The following VAMP4 variants were observed in gnomAD, a reference collection of about 807,000 sequenced individuals.
VAMP4 encodes vesicle-associated membrane protein 4.
Under a neutral mutation model 23.5 loss-of-function variants are expected in VAMP4, and 19 were observed. The ratio of observed to expected loss-of-function variants is 0.81; its 90% CI spans 0.56 to 1.19. The LOEUF is 1.19. VAMP4 is among the 50% of genes most tolerant of loss of function. The probability of loss-of-function intolerance (pLI) is 0.00; values close to 1 mark genes in which losing one functional copy is unlikely to be tolerated. For synonymous variants in VAMP4, 31 were observed against 51.0 expected (o/e 0.61, Z 1.67); for missense variants, 145 against 168.6 (o/e 0.86, Z 0.78).
chr1:171,710,865 C>T (rs1292229206), intron 4 of VAMP4, 51 bp from the exon 5 acceptor site: 2 of 1,362,264 alleles, frequency 1.5e-6, no homozygotes, highest in African/African-American at 2.9e-5. Context: ...AGAATGCTTA[C>T]AATTTTTAAA....
intron 2 of VAMP4, among the ~76,000 whole-genome samples, chr1:171,731,425 T>TAAA (rs200377599): frequency 7.3e-5 from 11 of 151,354 alleles, no homozygotes; most frequent in African/African-American, 2.7e-4. Flanking sequence ...ATAATAATAA[T>TAAA]AAAAAAAACA....
intron 2 of VAMP4, among the ~76,000 whole-genome samples, chr1:171,736,775 G>A (rs1015166776): frequency 6.6e-6 from 1 of 152,166 alleles, no homozygotes; most frequent in Non-Finnish European, 1.5e-5. Flanking sequence ...TCAGGAATTT[G>A]AGACCAGCCT....
Position 171,704,319 on chromosome 1 carries a change from G to A in VAMP4, c.*187C>T. On this transcript the variant is annotated 3_prime_UTR_variant, in exon 8 of 8. Transcript: ENST00000236192. ...TTTGCCTTAAACATAATTATTAAAA[G>A]AACATTTTGTTAGAAAGGGAGAAGA... The A allele has an allele frequency of 2.5e-6, 1 of 396,708 alleles. No individual in the cohort carries two copies. Among genetic ancestry groups the A allele is most frequent in the East Asian group, 3.9e-5 (1 of 25,512 alleles). The allele number at this position is 396,708 out of a possible 1,614,324, so 24.6% of individuals were successfully genotyped here.
At chr1:171,724,602 C>T (rs1014043936) in intron 3 of VAMP4, among the ~76,000 whole-genome samples, 1 of 152,162 alleles carries the variant, frequency 6.6e-6, no homozygotes, top group African/African-American at 2.4e-5. Context: ...ATATACTATG[C>T]TCATGGGTCA....
chr1:171,724,792 G>C (rs568620318), intron 3 of VAMP4, among the ~76,000 whole-genome samples: 56 of 152,228 alleles, frequency 3.7e-4, no homozygotes, highest in Admixed American at 1.3e-3. Flanking sequence ...CAAAGTTGAA[G>C]GATATACACT....
chr1:171,719,573 A>G (rs1271069491), intron 3 of VAMP4, among the ~76,000 whole-genome samples: 1 of 152,110 alleles, frequency 6.6e-6, no homozygotes, highest in Non-Finnish European at 1.5e-5. Flanking sequence ...GTGAATATTA[A>G]TATCTTTATG....
At chr1:171,709,287 T>C (rs1285479330) in intron 6 of VAMP4, among the ~76,000 whole-genome samples, 1 of 152,132 alleles carries the variant, frequency 6.6e-6, no homozygotes, top group Non-Finnish European at 1.5e-5. Context: ...GTCATATTTT[T>C]CTCTAGCTCC....
In VAMP4 at chr1:171,720,781, G is replaced by A. The variant is rs147785599; in HGVS notation, c.114-1560C>T. Among the ~76,000 whole-genome samples the A allele has an allele frequency of 2.0e-3, 309 of 152,006 alleles. 2 individuals carry two copies. Among genetic ancestry groups the A allele is most frequent in the African/African-American group, 7.2e-3 (297 of 41,518 alleles). On this transcript the variant is annotated intron_variant, in intron 3 of 7. Coordinates refer to ENST00000236192, the MANE Select transcript of VAMP4 (RefSeq NM_003762.5). ...CAAACTATTCTGGAAAACTAAAAAA[G>A]ACAGAACTTTCCCAACTCATTATCC...
At chr1:171,730,190 T>C (rs193045481) in intron 2 of VAMP4, among the ~76,000 whole-genome samples, 187 of 152,338 alleles carry the variant, frequency 1.2e-3, no homozygotes, top group African/African-American at 4.4e-3. Context: ...AAATTTGTGT[T>C]GTTTTAAGTG....
In VAMP4 at chr1:171,709,755, T is replaced by C. The variant is rs749458533; in HGVS notation, c.266-11A>G. On this transcript the variant is annotated splice_polypyrimidine_tract_variant and intron_variant, in intron 5 of 7. Transcript: ENST00000236192. ...TATCCGATAAGCTTTCTATATCACA[T>C]AGAGGATGGAGAGAAGGATTAAACG... is the stretch of plus-strand genomic sequence containing the variant. 3.7e-6 allele frequency: 6 copies of C among 1,602,572 alleles called. No homozygotes were observed. The highest frequency in any genetic ancestry group is 2.7e-5 in the African/African-American group (2 of 74,620).
rs148648044 is a variant in VAMP4 at position 171,733,249 on chromosome 1, G to A, written c.67-4679C>T. On this transcript the variant is annotated intron_variant, in intron 2 of 7. Coordinates refer to ENST00000236192, the MANE Select transcript of VAMP4 (RefSeq NM_003762.5). ...GAGGAGGGAGGATCACTTGAGCCCC[G>A]GAGTTCGAAACCAGCCTGGGCAATA... 6.9e-3 allele frequency among the ~76,000 whole-genome samples: 1,001 copies of A among 144,660 alleles called. 10 individuals are homozygous for A. Among genetic ancestry groups the A allele is most frequent in the African/African-American group, 0.023 (869 of 38,440 alleles). 94.9% of individuals were successfully genotyped at this position (144,660 alleles called of 152,430 possible).
chr1:171,705,354 C>T (rs1654616110), intron 7 of VAMP4, among the ~76,000 whole-genome samples: 1 of 152,120 alleles, frequency 6.6e-6, no homozygotes, highest in South Asian at 2.1e-4. Flanking sequence ...CACTTCAGCA[C>T]CACGTGTGGG....
intron 2 of VAMP4, among the ~76,000 whole-genome samples, chr1:171,737,345 T>C (rs1655777180): frequency 6.6e-6 from 1 of 152,254 alleles, no homozygotes; most frequent in African/African-American, 2.4e-5. Context: ...AATAAATATG[T>C]ATTGAGTACT....
At chr1:171,734,287 A>AAT in intron 2 of VAMP4, among the ~76,000 whole-genome samples, 1 of 151,658 alleles carries the variant, frequency 6.6e-6, no homozygotes, top group East Asian at 1.9e-4. Context: ...AAAAAAAAAA[A>AAT]ATGAAGCACT....
intron 4 of VAMP4, among the ~76,000 whole-genome samples, chr1:171,717,508 C>T (rs1023982035): frequency 3.3e-5 from 5 of 152,076 alleles, no homozygotes; most frequent in Non-Finnish European, 5.9e-5. Flanking sequence ...GGTTCTGATG[C>T]GGTATAAACT....
Position 171,730,421 on chromosome 1 carries a change from G to GA in VAMP4, c.67-1852dup, listed in dbSNP as rs576765866. On this transcript the variant is annotated intron_variant, in intron 2 of 7. Coordinates refer to ENST00000236192, the MANE Select transcript of VAMP4 (RefSeq NM_003762.5). ...CTGTAAACAATAAGTTAAAGCTTTT[G>GA]AAAAAAATACATATTATATAGAAAA... 2.7e-3 allele frequency among the ~76,000 whole-genome samples: 403 copies of GA among 152,066 alleles called. 4 individuals are homozygous for GA. Among genetic ancestry groups the GA allele is most frequent in the African/African-American group, 8.8e-3 (363 of 41,484 alleles).
At chr1:171,716,164 G>A (rs1469606176) in intron 4 of VAMP4, among the ~76,000 whole-genome samples, 1 of 152,078 alleles carries the variant, frequency 6.6e-6, no homozygotes, top group African/African-American at 2.4e-5. Flanking sequence ...AACATTCCCT[G>A]GGGTGTCGGG....
At position 171,709,739 on chromosome 1, in the gene VAMP4, A is replaced by C. The variant is rs986278032; in HGVS notation, c.271T>G (p.Leu91Val). Residue 91 changes from leucine (L) to valine (V), a missense_variant, in exon 6 of 8, where the codon TTA (leucine) becomes GTA (valine). Transcript: ENST00000236192. ...CTAAAAGCTGTTGCATTATCCGATA[A>C]GCTTTCTATATCACATAGAGGATGG... ...LDELQDKSES[L>V]SDNATAFSNR... 1 of 1,612,198 alleles carries C rather than the reference A, an allele frequency of 6.2e-7. No homozygotes were observed. Among genetic ancestry groups the C allele is most frequent in the Non-Finnish European group, 8.5e-7 (1 of 1,178,558 alleles).
In VAMP4 at chr1:171,703,425, G is replaced by GTGTATATATATA. The variant is rs1330620854; in HGVS notation, c.*1080_*1081insTATATATATACA. 1 of 80,668 alleles carries GTGTATATATATA rather than the reference G, an allele frequency of 1.2e-5. No individual in the cohort carries two copies. The highest frequency in any genetic ancestry group is 2.4e-5 in the Non-Finnish European group (1 of 41,928). The allele number at this position is 80,668 out of a possible 1,614,324, so 5.0% of individuals were successfully genotyped here. On this transcript the variant is annotated 3_prime_UTR_variant, in exon 8 of 8. Coordinates refer to ENST00000236192, the MANE Select transcript of VAMP4 (RefSeq NM_003762.5). ...TGTGTGTGTGTGTGTGTGTTTGTGT[G>GTGTATATATATA]TATATATATATATATATATATATAT...
Sources: gnomAD v4.1 joint callset for allele counts (sites outside exome capture counted in the v4.1 genomes callset) on GRCh38, gnomAD v4.1.1 for gene constraint, MANE v1.5 for transcripts, NCBI Gene and HGNC (gene_info 2026-07-23, HGNC 2026-07-21) for gene names.